Variants in DGKK observed in about 807,000 individuals in gnomAD.
The protein encoded by DGKK is 142 kDa diacylglycerol kinase.
DGKK carries 35 observed loss-of-function variants against 92.2 expected under a neutral mutation model. That is an observed-to-expected ratio of 0.38 (90% CI 0.29 to 0.50). The LOEUF is 0.50. Among genes scored for constraint, DGKK ranks in the 20% least tolerant of loss-of-function variants. DGKK has a pLI of 0.92. For missense variants in DGKK, 910 were observed against 992.2 expected (o/e 0.92, Z 1.11); for synonymous variants, 368 against 360.6 (o/e 1.02, Z -0.23).
intron 1 of DGKK, among the ~76,000 whole-genome samples, chrX:50,427,412 G>A (rs1324373241): frequency 2.7e-5 from 3 of 110,155 alleles, no homozygotes; most frequent in East Asian, 5.7e-4. Flanking sequence ...ATACTACCCT[G>A]TATGATACTG....
At chrX:50,469,930 TG>T (rs1439384786) in intron 1 of DGKK, 103 bp downstream of exon 1, 1 of 1,086,320 alleles carries the variant, frequency 9.2e-7, no homozygotes, top group African/African-American at 1.9e-5. Flanking sequence ...GGCCAGCCAG[TG>T]CCAGACAAGC....
intron 1 of DGKK, among the ~76,000 whole-genome samples, chrX:50,463,348 CCT>C (rs781881566): frequency 9.0e-5 from 3 of 33,454 alleles, no homozygotes; most frequent in South Asian, 2.8e-3. Context: ...CTTCTCTCCC[CCT>C]CTTTCTTTTT....
intron 17 of DGKK, 58 bp from the exon 18 acceptor site, chrX:50,382,661 A>C: frequency 2.1e-6 from 2 of 954,860 alleles, no homozygotes; most frequent in Non-Finnish European, 2.9e-6. Context: ...GCCGCTATCA[A>C]TTGGGCATGA....
intron 3 of DGKK, among the ~76,000 whole-genome samples, chrX:50,421,864 A>G (rs782012162): frequency 1.1e-4 from 12 of 111,686 alleles, no homozygotes; most frequent in Non-Finnish European, 2.3e-4. Flanking sequence ...TTCTGGAAGG[A>G]GGTGGGTAGG....
intron 1 of DGKK, among the ~76,000 whole-genome samples, chrX:50,432,810 A>G (rs1430374316): frequency 8.9e-6 from 1 of 112,396 alleles, no homozygotes; most frequent in Non-Finnish European, 1.9e-5. Flanking sequence ...CAGTGAAAGG[A>G]ACAATGTAAA....
chrX:50,415,030 C>T, intron 4 of DGKK, among the ~76,000 whole-genome samples: 1 of 112,126 alleles, frequency 8.9e-6, no homozygotes. Context: ...TTCTAGGTGA[C>T]AAGGCTGTCT....
At position 50,468,367 on chromosome X, in the gene DGKK, C is replaced by T. The variant is rs182871658; in HGVS notation, c.645+1667G>A. On this transcript the variant is annotated intron_variant, in intron 1 of 27. Transcript: ENST00000611977. ...CAGGTGATTCCTGCTTGTCTCTTTC[C>T]CACCAGCTTAATGCAAACTCTTCCA... is the stretch of plus-strand genomic sequence containing the variant. 6.3e-5 allele frequency among the ~76,000 whole-genome samples: 7 copies of T among 111,148 alleles called. No individual in the cohort carries two copies. The East Asian group carries it at 2.0e-3, about 32-fold the overall frequency.
chrX:50,429,397 A>G (rs965944212), intron 1 of DGKK, among the ~76,000 whole-genome samples: 5 of 112,504 alleles, frequency 4.4e-5, no homozygotes, highest in African/African-American at 1.3e-4. Flanking sequence ...GCTAAGAATT[A>G]AAATGTATTC....
chrX:50,382,202 G>A (rs1016318567), intron 18 of DGKK, among the ~76,000 whole-genome samples: 1 of 112,339 alleles, frequency 8.9e-6, no homozygotes, highest in Non-Finnish European at 1.9e-5. Context: ...AAAGGTGGGC[G>A]ATTTGCTAAA....
At chrX:50,465,471 C>G (rs1223901490) in intron 1 of DGKK, among the ~76,000 whole-genome samples, 1 of 108,034 alleles carries the variant, frequency 9.3e-6, no homozygotes, top group Non-Finnish European at 1.9e-5. Context: ...TTTTTTTCCA[C>G]TGAAAGAATT....
At chrX:50,466,245 G>A (rs372658357) in intron 1 of DGKK, among the ~76,000 whole-genome samples, 6 of 109,769 alleles carry the variant, frequency 5.5e-5, no homozygotes, top group African/African-American at 2.0e-4. Context: ...ATCAAAGCTT[G>A]GCAAGGAGGG....
chrX:50,366,465 T>C lies in DGKK; in HGVS notation c.*2475A>G, dbSNP rs186825583. Reference sequence around the variant, plus strand: ...ACTCAGAGTGGGAGGACAGGGTAGGTGAAAGGGAATCCACATGGCACAACA... The same window carrying C: ...ACTCAGAGTGGGAGGACAGGGTAGGCGAAAGGGAATCCACATGGCACAACA... On this transcript the variant is annotated 3_prime_UTR_variant, in exon 28 of 28. Transcript: ENST00000611977. The C allele has an allele frequency of 9.0e-6, 1 of 111,474 alleles. No homozygotes were observed. The highest frequency in any genetic ancestry group is 3.3e-5 in the African/African-American group (1 of 30,677). 9.2% of individuals were successfully genotyped at this position (111,474 alleles called of 1,213,427 possible). A position where few individuals can be genotyped will look rare whatever the true frequency, so the allele number is the denominator to read the frequency against.
intron 8 of DGKK, among the ~76,000 whole-genome samples, chrX:50,398,661 G>A (rs782688261): frequency 3.6e-5 from 4 of 111,947 alleles, no homozygotes; most frequent in Non-Finnish European, 7.5e-5. Flanking sequence ...AGTGATATAG[G>A]ATAGGAAGAA....
At chrX:50,417,290 A>G (rs1399096282) in intron 4 of DGKK, among the ~76,000 whole-genome samples, 1 of 110,291 alleles carries the variant, frequency 9.1e-6, no homozygotes, top group Non-Finnish European at 1.9e-5. Flanking sequence ...GTTTCAGAAA[A>G]AAATTTCCAA....
intron 1 of DGKK, among the ~76,000 whole-genome samples, chrX:50,426,269 T>C (rs185421275): frequency 1.1e-3 from 118 of 112,016 alleles, no homozygotes; most frequent in Non-Finnish European, 1.7e-3. Flanking sequence ...CAACTCTGAC[T>C]GTCAGATATT....
At chrX:50,419,038 G>A (rs1432777459) in intron 4 of DGKK, among the ~76,000 whole-genome samples, 3 of 111,801 alleles carry the variant, frequency 2.7e-5, no homozygotes, top group African/African-American at 9.7e-5. Context: ...AACTTTTTAT[G>A]ACTGCCTCTA....
At chrX:50,399,645 A>G (rs1557226411) in intron 8 of DGKK, among the ~76,000 whole-genome samples, 1 of 112,268 alleles carries the variant, frequency 8.9e-6, no homozygotes, top group African/African-American at 3.2e-5. Context: ...ATCATACACA[A>G]ACTGAAATTT....
chrX:50,375,787 G>C (rs1557223751), intron 24 of DGKK, among the ~76,000 whole-genome samples: 1 of 111,435 alleles, frequency 9.0e-6, no homozygotes, highest in Non-Finnish European at 1.9e-5. Flanking sequence ...GGGAGGGATG[G>C]CTATCAGGGA....
intron 1 of DGKK, among the ~76,000 whole-genome samples, chrX:50,447,612 CTAGT>C (rs1926399262): frequency 9.8e-6 from 1 of 102,521 alleles, no homozygotes; most frequent in Admixed American, 1.1e-4. Flanking sequence ...CAAACACTGA[CTAGT>C]TATCATTATC....
Sources: allele counts gnomAD v4.1 joint callset (sites outside exome capture counted in the v4.1 genomes callset), GRCh38; gene constraint gnomAD v4.1.1; transcripts MANE v1.5; gene names NCBI Gene and HGNC (gene_info 2026-07-23, HGNC 2026-07-21).